The following RDH11 variants were observed in gnomAD, a reference collection of about 807,000 sequenced individuals.
RDH11 encodes the protein HCV core-binding protein HCBP12.
In RDH11, 19 loss-of-function variants were observed where a neutral mutation model predicts 33.4. That is an observed-to-expected ratio of 0.57 (90% CI 0.40 to 0.83). RDH11 has a LOEUF of 0.83. RDH11 is among the 40% of genes least tolerant of loss of function. The probability of loss-of-function intolerance (pLI) is 0.00; values close to 1 mark genes in which losing one functional copy is unlikely to be tolerated. For synonymous variants in RDH11, 154 were observed against 155.3 expected, an observed-to-expected ratio of 0.99 and a Z score of 0.06; for missense variants, 353 against 389.0, an observed-to-expected ratio of 0.91 and a Z score of 0.78.
rs1395648559 is a variant in RDH11, at chr14:67,691,175, T to C, written c.419A>G (p.Asp140Gly). The change falls in exon 4 of 7, where the codon GAT becomes GGT. Residue 140 changes from aspartate to glycine, a missense_variant. Physicochemically the swap from Asp to Gly is moderately conservative, Grantham distance 94. Transcript: ENST00000381346. ...GACTCCTATGTGCATCTCAAAGCCA[T>C]CTGCTGTCTTCGAGTACGGACACAT... ...VMMCPYSKTADGFEMHIGVNH... is the reference protein window; with the variant it reads ...VMMCPYSKTAGGFEMHIGVNH... 1.5e-5 allele frequency: 25 copies of C among 1,613,912 alleles called. No homozygotes were observed. Among genetic ancestry groups the C allele is most frequent in the Non-Finnish European group, 1.9e-5 (23 of 1,179,912 alleles).
intron 3 of RDH11, 95 bp from the exon 4 acceptor site, chr14:67,691,339 C>A: frequency 2.6e-6 from 2 of 762,576 alleles, no homozygotes; most frequent in Non-Finnish European, 4.5e-6. Context: ...AATGAGGATG[C>A]AGGACTTCAA....
chr14:67,695,680 C>T lies in RDH11; in HGVS notation c.24G>A (p.Leu8=), dbSNP rs763767030. ...GAAGGAAGGGCAGAAGGAGGAGCAA[C>T]AGCGGGAACATGAGCTCAACCATCT... MVELMFP[L]LLLLLPFLLY... The change falls in exon 1 of 7, where the codon CTG becomes CTA. Residue 8 remains leucine, a synonymous_variant. Transcript: ENST00000381346. 2 of 1,614,202 alleles carry T rather than the reference C, an allele frequency of 1.2e-6. No homozygotes were observed. Among genetic ancestry groups the T allele is most frequent in the East Asian group, 4.5e-5 (2 of 44,890 alleles).
chr14:67,694,512 A>C (rs2037802211), intron 1 of RDH11, among the ~76,000 whole-genome samples: 1 of 139,824 alleles, frequency 7.2e-6, no homozygotes, highest in African/African-American at 2.7e-5. Flanking sequence ...ATATACACAC[A>C]TATATTTTTT....
At chr14:67,683,480 C>T (rs1361227122) in intron 6 of RDH11, among the ~76,000 whole-genome samples, 1 of 152,214 alleles carries the variant, frequency 6.6e-6, no homozygotes, top group Non-Finnish European at 1.5e-5. Context: ...CAGTGGACAA[C>T]TGTTACTCTT....
At chr14:67,693,261 A>C (rs2037778204) in intron 1 of RDH11, among the ~76,000 whole-genome samples, 1 of 152,228 alleles carries the variant, frequency 6.6e-6, no homozygotes, top group African/African-American at 2.4e-5. Flanking sequence ...ATTCTATTAC[A>C]AGGGCAAAGC....
intron 5 of RDH11, among the ~76,000 whole-genome samples, chr14:67,686,802 A>G (rs927471885): frequency 3.9e-5 from 6 of 152,172 alleles, no homozygotes; most frequent in Admixed American, 1.3e-4. Flanking sequence ...GTATACATAC[A>G]CTGCCTATTA....
Position 67,681,033 on chromosome 14 carries a change from T to C in RDH11, c.855-2610A>G, listed in dbSNP as rs79070353. Among the ~76,000 whole-genome samples the C allele has an allele frequency of 5.6e-3, 857 of 152,324 alleles. 5 individuals carry two copies. Among genetic ancestry groups the C allele is most frequent in the Middle Eastern group, 0.01 (3 of 292 alleles). The stretch of plus-strand genomic sequence containing the variant: ...CAATTGTGTTCCCCCAAAATTAATA[T>C]GTTGAATCCCTAACCCCCAGTGTGA... On this transcript the variant is annotated intron_variant, in intron 6 of 6. Transcript: ENST00000381346.
Position 67,678,304 on chromosome 14 carries a change from C to A in RDH11, c.*17G>T. On this transcript the variant is annotated 3_prime_UTR_variant, in exon 7 of 7. Coordinates refer to ENST00000381346, the MANE Select transcript of RDH11 (RefSeq NM_016026.4). ...AGTCTGCTGCAGTCTTCTCTTGGGT[C>A]CAACTGGCACTGCCTGTTAGTCTAT... is the stretch of plus-strand genomic sequence containing the variant. 1 of 1,524,440 alleles carries A rather than the reference C, an allele frequency of 6.6e-7. No homozygotes were observed. The highest frequency in any genetic ancestry group is 1.1e-5 in the South Asian group (1 of 89,116). 94.4% of individuals were successfully genotyped at this position (1,524,440 alleles called of 1,614,324 possible). A position where few individuals can be genotyped will look rare whatever the true frequency, so the allele number is the denominator to read the frequency against.
Position 67,692,579 on chromosome 14 carries a change from A to C in RDH11, c.208T>G (p.Leu70Val), listed in dbSNP as rs752899978. The change falls in exon 3 of 7, where the codon TTA becomes GTA. Residue 70 changes from leucine to valine, a missense_variant. Coordinates refer to ENST00000381346, the MANE Select transcript of RDH11 (RefSeq NM_016026.4). ...CCCTTTTCCACATCCCGGCAAGCTA[A>C]ATATACTCGAGCTCCTGTCAGCCAA... Reference protein sequence around the residue: ...ELAQRGARVYLACRDVEKGEL... With the variant: ...ELAQRGARVYVACRDVEKGEL... 1 of 1,587,672 alleles carries C rather than the reference A, an allele frequency of 6.3e-7. No homozygotes were observed. Among genetic ancestry groups the C allele is most frequent in the South Asian group, 1.2e-5 (1 of 86,398 alleles).
chr14:67,683,746 C>T (rs1006625233), intron 6 of RDH11, among the ~76,000 whole-genome samples: 38 of 152,244 alleles, frequency 2.5e-4, no homozygotes, highest in African/African-American at 9.2e-4. Context: ...GGCTGGCTGA[C>T]TGCCACTCTG....
At chr14:67,682,161 CAG>C (rs899885742) in intron 6 of RDH11, among the ~76,000 whole-genome samples, 2 of 152,146 alleles carry the variant, frequency 1.3e-5, no homozygotes, top group African/African-American at 4.8e-5. Flanking sequence ...TGTTTAGTAA[CAG>C]AAAACTGTCT....
At chr14:67,683,887 A>T (rs2037644971) in intron 6 of RDH11, among the ~76,000 whole-genome samples, 1 of 152,224 alleles carries the variant, frequency 6.6e-6, no homozygotes, top group Non-Finnish European at 1.5e-5. Flanking sequence ...GGAATCCAAG[A>T]ACCCTAAGTT....
At chr14:67,684,038 G>T (rs1023621071) in intron 6 of RDH11, among the ~76,000 whole-genome samples, 3 of 152,116 alleles carry the variant, frequency 2.0e-5, no homozygotes, top group Non-Finnish European at 4.4e-5. Flanking sequence ...CTGCTTCAGG[G>T]CCTCTTTCAC....
intron 6 of RDH11, among the ~76,000 whole-genome samples, chr14:67,683,011 T>A (rs1382008101): frequency 6.6e-6 from 1 of 152,246 alleles, no homozygotes; most frequent in Non-Finnish European, 1.5e-5. Flanking sequence ...TCCATTTATA[T>A]GAAATGTCCA....
chr14:67,683,759 A>T (rs2140061723), intron 6 of RDH11, among the ~76,000 whole-genome samples: 1 of 152,262 alleles, frequency 6.6e-6, no homozygotes, highest in Middle Eastern at 3.4e-3. Context: ...CCACTCTGAC[A>T]CTTCTTAGCC....
At chr14:67,685,622 C>T (rs1043784169) in intron 5 of RDH11, among the ~76,000 whole-genome samples, 1 of 151,880 alleles carries the variant, frequency 6.6e-6, no homozygotes. Context: ...CACACCCACC[C>T]CATCCCCTTC....
At chr14:67,691,025 G>T (rs749920952) in intron 4 of RDH11, 115 bp downstream of exon 4, 1 of 728,306 alleles carries the variant, frequency 1.4e-6, no homozygotes, top group Non-Finnish European at 2.5e-6. Flanking sequence ...ATGCACACAT[G>T]GTCTATTATG....
At chr14:67,695,245 T>G (rs2037815204) in intron 1 of RDH11, among the ~76,000 whole-genome samples, 1 of 152,120 alleles carries the variant, frequency 6.6e-6, no homozygotes. Context: ...CCTTTGTACC[T>G]CGAAGGCTGG....
chr14:67,681,788 A>T (rs1168889027), intron 6 of RDH11, among the ~76,000 whole-genome samples: 10 of 152,170 alleles, frequency 6.6e-5, no homozygotes, highest in Admixed American at 6.5e-4. Flanking sequence ...AAATAAAATA[A>T]AAATAGTTCA....
Sources: gnomAD v4.1 joint callset for allele counts (sites outside exome capture counted in the v4.1 genomes callset) on GRCh38, gnomAD v4.1.1 for gene constraint, MANE v1.5 for transcripts, NCBI Gene and HGNC (gene_info 2026-07-23, HGNC 2026-07-21) for gene names.